CTNNA3: variants seen among roughly 807,000 people sequenced by gnomAD.
The protein encoded by CTNNA3 is catenin alpha 3, also known as catenin alpha-3.
In CTNNA3, 76 loss-of-function variants were observed where a neutral mutation model predicts 95.7. The ratio of observed to expected loss-of-function variants is 0.79; its 90% CI spans 0.66 to 0.96. The LOEUF is 0.96. Among genes scored for constraint, CTNNA3 ranks in the 40% least tolerant of loss-of-function variants. CTNNA3 has a pLI of 0.00. For synonymous variants in CTNNA3, 431 were observed against 374.4 expected (o/e 1.15, Z -1.74); for missense variants, 1,191 against 1,089.8 (o/e 1.09, Z -1.31).
intron 7 of CTNNA3, among the ~76,000 whole-genome samples, chr10:67,167,052 A>G (rs1172827603): frequency 6.6e-6 from 1 of 152,024 alleles, no homozygotes; most frequent in African/African-American, 2.4e-5. Context: ...GGTTGCAGTG[A>G]GCCAAGATCG....
intron 10 of CTNNA3, among the ~76,000 whole-genome samples, chr10:66,558,794 A>C (rs913735984): frequency 6.6e-6 from 1 of 152,106 alleles, no homozygotes; most frequent in African/African-American, 2.4e-5. Context: ...GTTATGACTA[A>C]AACCTCTTTC....
chr10:65,926,477 T>A (rs1340331834), intron 17 of CTNNA3, among the ~76,000 whole-genome samples: 1 of 82,078 alleles, frequency 1.2e-5, no homozygotes, highest in African/African-American at 5.0e-5. Flanking sequence ...AGTGTTCCAA[T>A]TTTTTTTTTT....
chr10:67,028,128 T>G (rs1426373562), intron 7 of CTNNA3, among the ~76,000 whole-genome samples: 1 of 152,204 alleles, frequency 6.6e-6, no homozygotes, highest in Non-Finnish European at 1.5e-5. Flanking sequence ...TCTCTACTGA[T>G]GAGTGTATGC....
intron 15 of CTNNA3, among the ~76,000 whole-genome samples, chr10:66,000,995 T>C (rs1228207624): frequency 6.6e-6 from 1 of 152,132 alleles, no homozygotes; most frequent in Non-Finnish European, 1.5e-5. Context: ...TGATGGGCAT[T>C]ACCATGAATG....
intron 7 of CTNNA3, among the ~76,000 whole-genome samples, chr10:67,011,715 A>C (rs1176346746): frequency 6.6e-6 from 1 of 152,200 alleles, no homozygotes; most frequent in African/African-American, 2.4e-5. Flanking sequence ...TACTTTTCTA[A>C]GCACTTTATA....
chr10:66,074,843 T>C (rs1015785457), intron 14 of CTNNA3, among the ~76,000 whole-genome samples: 2 of 151,928 alleles, frequency 1.3e-5, no homozygotes, highest in Admixed American at 1.3e-4. Flanking sequence ...ATGTATTTTT[T>C]TCTCCTTCCC....
intron 7 of CTNNA3, among the ~76,000 whole-genome samples, chr10:66,946,751 A>C (rs1341659813): frequency 6.6e-6 from 1 of 151,626 alleles, no homozygotes; most frequent in East Asian, 1.9e-4. Context: ...GTCCCTCCCC[A>C]TTTTCTCTCC....
chr10:66,818,076 C>T (rs960677869), intron 7 of CTNNA3, among the ~76,000 whole-genome samples: 5 of 134,638 alleles, frequency 3.7e-5, no homozygotes, highest in African/African-American at 1.2e-4. Flanking sequence ...AATAATCCAA[C>T]GCTCTTTTAT....
chr10:67,140,834 C>T (rs989058203), intron 7 of CTNNA3, among the ~76,000 whole-genome samples: 4 of 152,156 alleles, frequency 2.6e-5, no homozygotes, highest in African/African-American at 9.7e-5. Flanking sequence ...GGCCTTCAAA[C>T]GGCCACCACA....
chr10:67,392,822 C>T (rs898347015), intron 5 of CTNNA3, among the ~76,000 whole-genome samples: 37 of 151,964 alleles, frequency 2.4e-4, no homozygotes, highest in African/African-American at 7.7e-4. Context: ...AACCAAACAC[C>T]GCATATTCTC....
intron 7 of CTNNA3, among the ~76,000 whole-genome samples, chr10:66,835,539 T>G (rs1433182371): frequency 1.3e-5 from 2 of 152,208 alleles, no homozygotes; most frequent in African/African-American, 2.4e-5. Flanking sequence ...TGCCTTCAGA[T>G]GAAGAAAGTT....
At chr10:67,597,500 G>T (rs965978043) in intron 3 of CTNNA3, among the ~76,000 whole-genome samples, 1 of 152,166 alleles carries the variant, frequency 6.6e-6, no homozygotes, top group East Asian at 1.9e-4. Flanking sequence ...TTGGTCAACT[G>T]GCTTCATTTC....
intron 11 of CTNNA3, among the ~76,000 whole-genome samples, chr10:66,383,050 G>A (rs1199183874): frequency 7.9e-5 from 12 of 152,132 alleles, no homozygotes; most frequent in South Asian, 4.1e-4. Flanking sequence ...CCAAAGGATC[G>A]CAACTCCTCA....
intron 5 of CTNNA3, among the ~76,000 whole-genome samples, chr10:67,305,086 C>A (rs1356850256): frequency 6.6e-6 from 1 of 152,080 alleles, no homozygotes; most frequent in Non-Finnish European, 1.5e-5. Flanking sequence ...ACCATCCTTG[C>A]TAACACAGTG....
intron 10 of CTNNA3, among the ~76,000 whole-genome samples, chr10:66,606,787 C>T (rs551225990): frequency 2.6e-5 from 4 of 152,156 alleles, no homozygotes; most frequent in South Asian, 4.1e-4. Flanking sequence ...ATTAAGAGGA[C>T]AATTTATAGC....
intron 1 of CTNNA3, among the ~76,000 whole-genome samples, chr10:67,761,875 C>CCA (rs1841463250): frequency 7.5e-6 from 1 of 132,614 alleles, no homozygotes; most frequent in African/African-American, 2.7e-5. Context: ...AAGACTCCGT[C>CCA]AAAAAAAAAA....
intron 9 of CTNNA3, among the ~76,000 whole-genome samples, chr10:66,763,724 C>A (rs1010780328): frequency 1.3e-5 from 2 of 152,158 alleles, no homozygotes; most frequent in Admixed American, 6.5e-5. Context: ...TTCTTGCTTG[C>A]ATTTGGGACT....
At chr10:66,555,831 T>C (rs1383923400) in intron 10 of CTNNA3, among the ~76,000 whole-genome samples, 1 of 151,950 alleles carries the variant, frequency 6.6e-6, no homozygotes, top group East Asian at 1.9e-4. Flanking sequence ...GAAATAACTT[T>C]TGGACAGTAC....
intron 17 of CTNNA3, among the ~76,000 whole-genome samples, chr10:65,941,655 A>T (rs187545044): frequency 6.6e-6 from 1 of 152,280 alleles, no homozygotes; most frequent in East Asian, 1.9e-4. Context: ...CCAAGTTCAG[A>T]ATGTTACTCT....
Sources: allele counts gnomAD v4.1 joint callset (sites outside exome capture counted in the v4.1 genomes callset), GRCh38; gene constraint gnomAD v4.1.1; transcripts MANE v1.5; gene names NCBI Gene and HGNC (gene_info 2026-07-23, HGNC 2026-07-21).